PHTF2: variants seen among roughly 807,000 people sequenced by gnomAD.
PHTF2 encodes the protein putative homeodomain transcription factor 2, also known as protein PHTF2.
Under a neutral mutation model 101.2 loss-of-function variants are expected in PHTF2, and 60 were observed. The ratio of observed to expected loss-of-function variants is 0.59; its 90% CI spans 0.48 to 0.73. PHTF2 has a LOEUF of 0.73. Among genes scored for constraint, PHTF2 ranks in the 30% least tolerant of loss-of-function variants. The probability of loss-of-function intolerance (pLI) is 0.00; values close to 1 mark genes in which losing one functional copy is unlikely to be tolerated. For missense variants in PHTF2, 747 were observed against 908.7 expected (o/e 0.82, Z 2.29); for synonymous variants, 311 against 307.3 (o/e 1.01, Z -0.13).
intron 5 of PHTF2, 169 bp from the exon 5 acceptor site, chr7:77,900,542 T>A: frequency 1.7e-6 from 1 of 577,580 alleles, no homozygotes; most frequent in Non-Finnish European, 3.1e-6. Context: ...ATAATAAAAT[T>A]TATTACAATA....
intron 16 of PHTF2, among the ~76,000 whole-genome samples, chr7:77,945,641 C>CT (rs1805989848): frequency 1.3e-5 from 2 of 152,192 alleles, no homozygotes; most frequent in South Asian, 4.1e-4. Context: ...CACTATTAAA[C>CT]TGTAAACAGT....
intron 10 of PHTF2, among the ~76,000 whole-genome samples, chr7:77,920,706 G>A (rs1368128120): frequency 6.6e-6 from 1 of 152,048 alleles, no homozygotes; most frequent in Non-Finnish European, 1.5e-5. Context: ...TTTTGAGACG[G>A]GGTCTTACTC....
Position 77,841,075 on chromosome 7 carries a change from C to CTTTTTTTTTTTTTTTTT in PHTF2, c.45+779_45+795dup. On this transcript the variant is annotated intron_variant, in intron 2 of 19. Coordinates refer to ENST00000416283, the Ensembl canonical transcript of PHTF2. ...TTTCTTATATAGGAGAAAAAACAGA[C>CTTTTTTTTTTTTTTTTT]TTTTTTTTTTTTTTTTTTTTGAGAT... is the stretch of plus-strand genomic sequence containing the variant. 2.1e-3 allele frequency among the ~76,000 whole-genome samples: 159 copies of CTTTTTTTTTTTTTTTTT among 77,260 alleles called. 33 individuals carry two copies. Among genetic ancestry groups the CTTTTTTTTTTTTTTTTT allele is most frequent in the African/African-American group, 5.0e-3 (74 of 14,896 alleles). The allele number at this position is 77,260 out of a possible 152,430, so 50.7% of individuals were successfully genotyped here.
At chr7:77,809,394 T>A (rs953556049) in intron 1 of PHTF2, among the ~76,000 whole-genome samples, 9 of 151,878 alleles carry the variant, frequency 5.9e-5, no homozygotes, top group Non-Finnish European at 1.2e-4. Context: ...GCCTGGGTAA[T>A]TTTTGTATTT....
intron 16 of PHTF2, 114 bp downstream of exon 15, chr7:77,942,900 G>A: frequency 1.8e-6 from 1 of 569,912 alleles, no homozygotes; most frequent in East Asian, 3.2e-5. Flanking sequence ...AAGTTTTGAA[G>A]TTACCTTTTT....
At chr7:77,938,321 A>G (rs1046042451) in intron 13 of PHTF2, among the ~76,000 whole-genome samples, 2 of 152,264 alleles carry the variant, frequency 1.3e-5, no homozygotes, top group African/African-American at 4.8e-5. Context: ...AAATATATAG[A>G]AGTAATGCAG....
intron 1 of PHTF2, among the ~76,000 whole-genome samples, chr7:77,821,708 G>A (rs1331071235): frequency 1.3e-5 from 2 of 151,434 alleles, no homozygotes; most frequent in Non-Finnish European, 2.9e-5. Flanking sequence ...TCTGTCTACC[G>A]GGGGGGCCCA....
At chr7:77,939,933 C>G in intron 13 of PHTF2, 97 bp from the exon 13 acceptor site, 1 of 893,728 alleles carries the variant, frequency 1.1e-6, no homozygotes, top group Non-Finnish European at 1.7e-6. Flanking sequence ...TATATTTTAA[C>G]AAATGATTTC....
intron 3 of PHTF2, among the ~76,000 whole-genome samples, chr7:77,857,420 C>T (rs141826447): frequency 9.2e-5 from 14 of 152,152 alleles, no homozygotes; most frequent in African/African-American, 2.9e-4. Flanking sequence ...AGCCATTATC[C>T]GCTAAGGAAT....
chr7:77,887,789 G>A (rs1800001030), intron 3 of PHTF2, among the ~76,000 whole-genome samples: 1 of 152,190 alleles, frequency 6.6e-6, no homozygotes, highest in Non-Finnish European at 1.5e-5. Context: ...CTCTGGGAAT[G>A]AGTGCACCAG....
chr7:77,916,420 C>G (rs532402828), intron 9 of PHTF2, among the ~76,000 whole-genome samples: 37 of 152,256 alleles, frequency 2.4e-4, no homozygotes, highest in African/African-American at 7.9e-4. Flanking sequence ...CAACATGAGT[C>G]ATATAGCAAT....
chr7:77,858,990 GGA>G (rs2150663328), intron 3 of PHTF2, among the ~76,000 whole-genome samples: 1 of 152,212 alleles, frequency 6.6e-6, no homozygotes, highest in South Asian at 2.1e-4. Context: ...GGTTCCTTCT[GGA>G]GAGAGACTGT....
chr7:77,885,181 A>G (rs2150764602), intron 3 of PHTF2, among the ~76,000 whole-genome samples: 1 of 152,114 alleles, frequency 6.6e-6, no homozygotes, highest in African/African-American at 2.4e-5. Flanking sequence ...GTAGCCTCGA[A>G]CTCCTGGGCT....
At chr7:77,874,569 C>A (rs1798779612) in intron 3 of PHTF2, among the ~76,000 whole-genome samples, 1 of 152,154 alleles carries the variant, frequency 6.6e-6, no homozygotes, top group Non-Finnish European at 1.5e-5. Context: ...AAGATATAGG[C>A]TGGGAAGCTA....
chr7:77,849,363 A>G (rs1796558100), intron 2 of PHTF2, among the ~76,000 whole-genome samples: 2 of 151,808 alleles, frequency 1.3e-5, no homozygotes, highest in Admixed American at 1.3e-4. Context: ...GCTGGTCTTG[A>G]ACTGACCTCA....
intron 3 of PHTF2, 45 bp from the exon 3 acceptor site, chr7:77,893,562 AT>A (rs772242720): frequency 1.3e-6 from 1 of 771,098 alleles, no homozygotes; most frequent in Non-Finnish European, 2.2e-6. Context: ...TACCTATTTG[AT>A]GGGTACCAGC....
chr7:77,892,001 G>A (rs1031916050), intron 3 of PHTF2, among the ~76,000 whole-genome samples: 2 of 152,196 alleles, frequency 1.3e-5, no homozygotes, highest in African/African-American at 4.8e-5. Context: ...AGAATAGCCG[G>A]GTGCGTTGGC....
intron 9 of PHTF2, among the ~76,000 whole-genome samples, chr7:77,918,215 A>G (rs1451617060): frequency 6.6e-6 from 1 of 151,914 alleles, no homozygotes; most frequent in Non-Finnish European, 1.5e-5. Flanking sequence ...CCCCCCTACC[A>G]CCACCCTTTT....
chr7:77,919,080 A>G (rs1167351269), intron 9 of PHTF2, among the ~76,000 whole-genome samples: 1 of 152,168 alleles, frequency 6.6e-6, no homozygotes, highest in Non-Finnish European at 1.5e-5. Flanking sequence ...GGAGAATATA[A>G]TTAACTTAAT....
Sources: gnomAD v4.1 joint callset for allele counts (sites outside exome capture counted in the v4.1 genomes callset) on GRCh38, gnomAD v4.1.1 for gene constraint, MANE v1.5 for transcripts, NCBI Gene and HGNC (gene_info 2026-07-23, HGNC 2026-07-21) for gene names.